The following ADGRB3 variants were observed in gnomAD, a reference collection of about 807,000 sequenced individuals.
The protein encoded by ADGRB3 is brain-specific angiogenesis inhibitor 3.
Under a neutral mutation model 193.4 loss-of-function variants are expected in ADGRB3, and 37 were observed. That is an observed-to-expected ratio of 0.19 (90% CI 0.15 to 0.25). ADGRB3 has a LOEUF of 0.25. ADGRB3 is among the 10% of genes least tolerant of loss of function. The probability of loss-of-function intolerance (pLI) is 1.00; values close to 1 mark genes in which losing one functional copy is unlikely to be tolerated. For missense variants in ADGRB3, 1,637 were observed against 1,852.9 expected, an observed-to-expected ratio of 0.88 and a Z score of 2.14; for synonymous variants, 690 against 644.2, an observed-to-expected ratio of 1.07 and a Z score of -1.08.
intron 3 of ADGRB3, among the ~76,000 whole-genome samples, chr6:68,647,411 T>C (rs1582095691): frequency 6.6e-6 from 1 of 152,132 alleles, no homozygotes; most frequent in Admixed American, 6.6e-5. Flanking sequence ...ATCAGCACAG[T>C]TTTGGAAACT....
chr6:68,937,966 G>T (rs1389203408), intron 5 of ADGRB3, among the ~76,000 whole-genome samples: 1 of 152,120 alleles, frequency 6.6e-6, no homozygotes. Flanking sequence ...GAAATAAAAA[G>T]TAAAGAGAGT....
chr6:68,980,841 G>A (rs1433546217), intron 10 of ADGRB3, among the ~76,000 whole-genome samples: 1 of 151,352 alleles, frequency 6.6e-6, no homozygotes, highest in African/African-American at 2.4e-5. Flanking sequence ...TCATGGAAAA[G>A]CAGGGAGCAC....
chr6:68,705,644 T>C (rs570782618), intron 3 of ADGRB3, among the ~76,000 whole-genome samples: 3 of 152,276 alleles, frequency 2.0e-5, no homozygotes, highest in Admixed American at 6.5e-5. Context: ...TTTAAAGGTG[T>C]GGGCAGTGCT....
At chr6:69,062,790 A>G in intron 15 of ADGRB3, 144 bp from the exon 16 acceptor site, 1 of 607,542 alleles carries the variant, frequency 1.6e-6, no homozygotes, top group South Asian at 2.4e-5. Flanking sequence ...CAGCAGTAAA[A>G]TGTGTCTTTC....
chr6:69,075,726 G>A (rs1772209053), intron 16 of ADGRB3, among the ~76,000 whole-genome samples: 1 of 152,140 alleles, frequency 6.6e-6, no homozygotes, highest in South Asian at 2.1e-4. Context: ...TATGGTGTAT[G>A]AGAGCCTTGC....
intron 3 of ADGRB3, among the ~76,000 whole-genome samples, chr6:68,740,058 C>G (rs1240377571): frequency 6.6e-6 from 1 of 152,078 alleles, no homozygotes; most frequent in Non-Finnish European, 1.5e-5. Context: ...ATACAAAACT[C>G]TCTGACACTC....
At chr6:69,043,280 G>GA in intron 13 of ADGRB3, among the ~76,000 whole-genome samples, 1 of 132,286 alleles carries the variant, frequency 7.6e-6, no homozygotes, top group African/African-American at 2.9e-5. Context: ...GAAAAGGAAA[G>GA]GAAGAAAGAG....
chr6:68,723,430 G>T (rs532478241), intron 3 of ADGRB3, among the ~76,000 whole-genome samples: 1 of 151,686 alleles, frequency 6.6e-6, no homozygotes, highest in South Asian at 2.1e-4. Flanking sequence ...GCGACAGTTC[G>T]ATAGGTTAGC....
intron 3 of ADGRB3, among the ~76,000 whole-genome samples, chr6:68,893,207 A>G (rs1399582197): frequency 2.0e-5 from 3 of 152,148 alleles, no homozygotes; most frequent in African/African-American, 7.2e-5. Flanking sequence ...AAATGCAGGA[A>G]AAATAAAGAC....
chr6:69,048,378 T>G, intron 14 of ADGRB3, 44 bp downstream of exon 14: 1 of 1,551,932 alleles, frequency 6.4e-7, no homozygotes, highest in Non-Finnish European at 8.8e-7. Context: ...ACATTTTTGA[T>G]AAGGTCATTT....
At chr6:68,811,038 A>G (rs1767503015) in intron 3 of ADGRB3, among the ~76,000 whole-genome samples, 2 of 152,130 alleles carry the variant, frequency 1.3e-5, no homozygotes, top group South Asian at 4.1e-4. Flanking sequence ...ATGTGGCTTC[A>G]TTGTTAAAAA....
At chr6:68,858,592 C>CAAAAAAA (rs11458724) in intron 3 of ADGRB3, among the ~76,000 whole-genome samples, 2 of 93,456 alleles carry the variant, frequency 2.1e-5, no homozygotes, top group Non-Finnish European at 2.0e-5. Flanking sequence ...GACCCTGACT[C>CAAAAAAA]AAAAAAAAAA....
chr6:69,102,807 T>A (rs1773102515), intron 17 of ADGRB3, among the ~76,000 whole-genome samples: 1 of 152,196 alleles, frequency 6.6e-6, no homozygotes, highest in African/African-American at 2.4e-5. Flanking sequence ...AGTCACAACC[T>A]TTTTTTGATA....
At chr6:69,192,315 G>C (rs1311687003) in intron 17 of ADGRB3, among the ~76,000 whole-genome samples, 1 of 152,116 alleles carries the variant, frequency 6.6e-6, no homozygotes, top group Non-Finnish European at 1.5e-5. Flanking sequence ...GGATGCACGG[G>C]AGAAAGATGC....
intron 3 of ADGRB3, among the ~76,000 whole-genome samples, chr6:68,892,150 C>G (rs1766095928): frequency 1.3e-5 from 2 of 152,144 alleles, no homozygotes; most frequent in South Asian, 4.2e-4. Flanking sequence ...ACACCTTTGT[C>G]TCACTGAAAT....
At chr6:68,855,297 C>T (rs1008610270) in intron 3 of ADGRB3, among the ~76,000 whole-genome samples, 9 of 152,080 alleles carry the variant, frequency 5.9e-5, no homozygotes, top group Admixed American at 1.3e-4. Context: ...AATATAGCCT[C>T]AAGTTATAGT....
chr6:69,051,958 G>A (rs369800060), intron 15 of ADGRB3, among the ~76,000 whole-genome samples: 2 of 152,002 alleles, frequency 1.3e-5, no homozygotes, highest in Admixed American at 6.5e-5. Flanking sequence ...GCAGTGGCGC[G>A]ATCTCCGCTC....
intron 3 of ADGRB3, among the ~76,000 whole-genome samples, chr6:68,924,472 T>A (rs1488839052): frequency 6.6e-6 from 1 of 152,062 alleles, no homozygotes; most frequent in Non-Finnish European, 1.5e-5. Context: ...TAATGTTAAA[T>A]AAATACAGCA....
At chr6:69,190,400 A>C (rs1038622624) in intron 17 of ADGRB3, among the ~76,000 whole-genome samples, 1 of 151,984 alleles carries the variant, frequency 6.6e-6, no homozygotes, top group African/African-American at 2.4e-5. Context: ...AAAATAAATA[A>C]ATAAATATAG....
Sources: gnomAD v4.1 joint callset for allele counts (sites outside exome capture counted in the v4.1 genomes callset) on GRCh38, gnomAD v4.1.1 for gene constraint, MANE v1.5 for transcripts, NCBI Gene and HGNC (gene_info 2026-07-23, HGNC 2026-07-21) for gene names.